Variants in XKR9 observed in about 807,000 individuals in gnomAD.
XKR9 encodes the protein XK-related protein 9.
In XKR9, 32 loss-of-function variants were observed where a neutral mutation model predicts 32.0. That is an observed-to-expected ratio of 1.00 (90% confidence interval 0.76 to 1.34). The LOEUF (loss-of-function observed/expected upper bound fraction) is 1.34, where lower values mean the gene tolerates loss of function less well. XKR9 is among the 40% of genes most tolerant of loss of function. The pLI is 0.00. For missense variants in XKR9, 546 were observed against 429.7 expected (o/e 1.27, Z -2.39); for synonymous variants, 168 against 143.4 (o/e 1.17, Z -1.22).
At chr8:70,914,342 A>G in the XKR9 span, among the ~76,000 whole-genome samples, 1 of 152,230 alleles carries the variant, frequency 6.6e-6, no homozygotes, top group Non-Finnish European at 1.5e-5. Context: ...ACCAATTTAC[A>G]TATATTACTT....
In XKR9 at chr8:70,754,149, C is replaced by T. The variant is rs1287093118; in HGVS notation, n.353-35190C>T. Among the ~76,000 whole-genome samples the T allele has an allele frequency of 2.7e-5, 4 of 147,712 alleles. 1 individual carries two copies. Among genetic ancestry groups the T allele is most frequent in the Admixed American group, 2.3e-4 (3 of 13,108 alleles). The stretch of plus-strand genomic sequence containing the variant: ...GACAAACAGAGAGCCAAATCATGAG[C>T]AAACTCCCATTCACAATTGCTACAA... On this transcript the variant is annotated intron_variant and non_coding_transcript_variant, in intron 2 of 3. Transcript: ENST00000520273.
chr8:70,687,570 A>G (rs1819348003), intron 3 of XKR9, among the ~76,000 whole-genome samples: 1 of 151,748 alleles, frequency 6.6e-6, no homozygotes, highest in South Asian at 2.1e-4. Flanking sequence ...GGGCCTCAGT[A>G]TGTTGCCCAG....
intron 2 of XKR9, among the ~76,000 whole-genome samples, chr8:70,756,302 T>C (rs1457361288): frequency 1.3e-5 from 2 of 152,194 alleles, no homozygotes; most frequent in Non-Finnish European, 2.9e-5. Context: ...GAAAATGTGA[T>C]TCCTCAGTTT....
At chr8:70,705,035 A>G (rs1248205867) in intron 3 of XKR9, among the ~76,000 whole-genome samples, 1 of 152,170 alleles carries the variant, frequency 6.6e-6, no homozygotes, top group Non-Finnish European at 1.5e-5. Context: ...GTGATGGTAA[A>G]AATATGCTCC....
At chr8:70,752,840 C>T (rs886788446) in intron 2 of XKR9, among the ~76,000 whole-genome samples, 2 of 152,124 alleles carry the variant, frequency 1.3e-5, no homozygotes, top group Non-Finnish European at 2.9e-5. Flanking sequence ...GACACCCTAA[C>T]ATCACAATTA....
the XKR9 span, among the ~76,000 whole-genome samples, chr8:70,825,633 G>A: frequency 6.6e-6 from 1 of 152,014 alleles, no homozygotes; most frequent in Non-Finnish European, 1.5e-5. Context: ...TATTTCATGG[G>A]ACCACCCTGA....
At chr8:70,686,704 A>G (rs1436193763) in intron 3 of XKR9, among the ~76,000 whole-genome samples, 1 of 152,092 alleles carries the variant, frequency 6.6e-6, no homozygotes, top group African/African-American at 2.4e-5. Flanking sequence ...TCGGCCTCTC[A>G]AATCCATTCT....
At chr8:71,032,064 T>G in the XKR9 span, among the ~76,000 whole-genome samples, 1 of 151,994 alleles carries the variant, frequency 6.6e-6, no homozygotes, top group Non-Finnish European at 1.5e-5. Context: ...CAGGCTGAGG[T>G]GGGTGGATCA....
the XKR9 span, among the ~76,000 whole-genome samples, chr8:70,885,601 T>C: frequency 6.7e-6 from 1 of 150,028 alleles, no homozygotes; most frequent in Non-Finnish European, 1.5e-5. Flanking sequence ...GGTGTGTGAT[T>C]TTTTTTTTTC....
intron 4 of XKR9, among the ~76,000 whole-genome samples, chr8:70,730,543 TG>T (rs34883841): frequency 0.017 from 2,596 of 152,114 alleles, 32 homozygotes; most frequent in Non-Finnish European, 0.028. Context: ...AAGTTAACCA[TG>T]GATGCATAAA....
chr8:71,045,816 G>A, the XKR9 span, among the ~76,000 whole-genome samples: 1 of 152,196 alleles, frequency 6.6e-6, no homozygotes, highest in Admixed American at 6.5e-5. Flanking sequence ...CTTGGGGCCT[G>A]GATGGCTTGA....
the XKR9 span, among the ~76,000 whole-genome samples, chr8:70,832,861 G>A: frequency 2.0e-5 from 3 of 152,120 alleles, no homozygotes; most frequent in South Asian, 4.1e-4. Context: ...TTCTCCACCA[G>A]AATATAAGCC....
chr8:70,808,723 C>T, the XKR9 span, among the ~76,000 whole-genome samples: 8 of 152,224 alleles, frequency 5.3e-5, no homozygotes, highest in Admixed American at 5.2e-4. Flanking sequence ...TGAGATAAAA[C>T]TGCAAGGTGG....
the XKR9 span, among the ~76,000 whole-genome samples, chr8:70,939,108 A>C: frequency 6.6e-6 from 1 of 152,016 alleles, no homozygotes; most frequent in Non-Finnish European, 1.5e-5. Context: ...ATGCACTGAC[A>C]TGAGGGTGCC....
At chr8:70,876,976 G>A in the XKR9 span, among the ~76,000 whole-genome samples, 4 of 152,262 alleles carry the variant, frequency 2.6e-5, no homozygotes, top group Non-Finnish European at 5.9e-5. Context: ...TAATAGTAGT[G>A]TATTAGTCTG....
the XKR9 span, among the ~76,000 whole-genome samples, chr8:71,025,048 C>A: frequency 6.6e-6 from 1 of 152,186 alleles, no homozygotes; most frequent in East Asian, 1.9e-4. Flanking sequence ...TATAATCTTT[C>A]TAATAACGCT....
At chr8:70,916,868 CTTTT>C in the XKR9 span, among the ~76,000 whole-genome samples, 15 of 142,208 alleles carry the variant, frequency 1.1e-4, no homozygotes, top group South Asian at 3.4e-3. Flanking sequence ...TGTGAAAAAG[CTTTT>C]TTTTTTTTAC....
At chr8:70,803,431 C>G in the XKR9 span, among the ~76,000 whole-genome samples, 1 of 152,156 alleles carries the variant, frequency 6.6e-6, no homozygotes, top group Non-Finnish European at 1.5e-5. Flanking sequence ...ATTCTAAATT[C>G]TACTTCTGAC....
chr8:70,705,125 T>G (rs1563436063), intron 3 of XKR9, among the ~76,000 whole-genome samples: 1 of 152,178 alleles, frequency 6.6e-6, no homozygotes. Flanking sequence ...TGTGTTTTAC[T>G]TTCAGCTTTC....
Sources: allele counts gnomAD v4.1 joint callset (sites outside exome capture counted in the v4.1 genomes callset), GRCh38; gene constraint gnomAD v4.1.1; transcripts MANE v1.5; gene names NCBI Gene and HGNC (gene_info 2026-07-23, HGNC 2026-07-21).